The following SHOC1 variants were observed in gnomAD, a reference collection of about 807,000 sequenced individuals.
SHOC1 encodes the protein shortage in chiasmata 1.
SHOC1 carries 136 observed loss-of-function variants against 179.2 expected under a neutral mutation model. The ratio of observed to expected loss-of-function variants is 0.76; its 90% confidence interval spans 0.66 to 0.87. The LOEUF is 0.87. Ranked by LOEUF, SHOC1 falls within the 40% of genes least tolerant of loss-of-function variation. The pLI is 0.00. For synonymous variants in SHOC1, 489 were observed against 586.6 expected, an observed-to-expected ratio of 0.83 and a Z score of 2.41; for missense variants, 1,538 against 1,700.8, an observed-to-expected ratio of 0.90 and a Z score of 1.68.
chr9:111,760,515 G>A (rs1051372563), intron 5 of SHOC1, among the ~76,000 whole-genome samples: 1 of 151,984 alleles, frequency 6.6e-6, no homozygotes, highest in Non-Finnish European at 1.5e-5. Flanking sequence ...AAGAAGAGAG[G>A]TTTATTCTTT....
intron 24 of SHOC1, among the ~76,000 whole-genome samples, chr9:111,695,241 C>G (rs1831636214): frequency 6.6e-6 from 1 of 152,006 alleles, no homozygotes; most frequent in South Asian, 2.1e-4. Flanking sequence ...ATATCCTGTA[C>G]TATAGTGGAA....
intron 5 of SHOC1, among the ~76,000 whole-genome samples, chr9:111,770,062 C>T (rs1835540171): frequency 7.4e-6 from 1 of 134,816 alleles, no homozygotes; most frequent in African/African-American, 2.8e-5. Flanking sequence ...TTCCTTCTAC[C>T]AGTTTGGGGT....
intron 5 of SHOC1, among the ~76,000 whole-genome samples, chr9:111,767,182 CT>C (rs1835390092): frequency 6.6e-6 from 1 of 152,078 alleles, no homozygotes; most frequent in African/African-American, 2.4e-5. Context: ...TGTGCAGAAG[CT>C]TTTTAGCTTG....
Position 111,686,786 on chromosome 9 carries a change from C to G in SHOC1, c.4511G>C (p.Arg1504Pro). Residue 1504 changes from arginine (R) to proline (P), a missense_variant, in exon 28 of 28, where the codon CGG becomes CCG. Physicochemically the swap from Arg to Pro is moderately radical, Grantham distance 103 (BLOSUM62 -2). Transcript: ENST00000682961. ...KVPGRVDGQT[R>P]LRFF The stretch of plus-strand genomic sequence containing the variant: ...TCTCCTCCTTCAAAAAAACCTCAGC[C>G]GAGTCTGCCCATCAACTCTACCAGG... The G allele has an allele frequency of 6.2e-7, 1 of 1,612,590 alleles. No homozygotes were observed. The highest frequency in any genetic ancestry group is 1.1e-5 in the South Asian group (1 of 91,036).
chr9:111,742,942 G>A (rs182427465), intron 10 of SHOC1, among the ~76,000 whole-genome samples: 145 of 152,228 alleles, frequency 9.5e-4, no homozygotes, highest in African/African-American at 3.4e-3. Flanking sequence ...CACTCTTAAC[G>A]GAGCTTTCTG....
In SHOC1 at chr9:111,785,979, A is replaced by G. The variant is rs1391184095; in HGVS notation, c.102T>C (p.Cys34=). The G allele has an allele frequency of 1.3e-6, 2 of 1,528,984 alleles. No homozygotes were observed. The highest frequency in any genetic ancestry group is 2.8e-5 in the African/African-American group (2 of 71,808). The allele number at this position is 1,528,984 out of a possible 1,614,324, so 94.7% of individuals were successfully genotyped here. A position where few individuals can be genotyped will look rare whatever the true frequency, so the allele number is the denominator to read the frequency against. Reference sequence around the variant, plus strand: ...CATGGTAACTTTCATCTTGATATAAACATGAAGGGATTCGAAGCAATAAAG... The same window carrying G: ...CATGGTAACTTTCATCTTGATATAAGCATGAAGGGATTCGAAGCAATAAAG... ...RDALLLRIPS[C]LYQDESYHVA... The change falls in exon 3 of 28, where the codon TGT becomes TGC. Residue 34 remains cysteine (C), a synonymous_variant. Coordinates refer to ENST00000682961, the MANE Select transcript of SHOC1 (RefSeq NM_001378211.1).
intron 24 of SHOC1, among the ~76,000 whole-genome samples, chr9:111,698,021 C>T (rs1284154023): frequency 7.2e-5 from 11 of 152,122 alleles, no homozygotes; most frequent in African/African-American, 2.7e-4. Context: ...ATCTGTTGCC[C>T]ACTTTTTGAT....
intron 16 of SHOC1, among the ~76,000 whole-genome samples, chr9:111,717,080 A>T (rs1310632629): frequency 2.0e-5 from 3 of 152,224 alleles, no homozygotes; most frequent in Admixed American, 2.0e-4. Flanking sequence ...AGAATCTAGA[A>T]TATCTGAGGT....
chr9:111,691,050 T>A (rs905503482), intron 27 of SHOC1, among the ~76,000 whole-genome samples: 4 of 152,198 alleles, frequency 2.6e-5, no homozygotes, highest in African/African-American at 9.7e-5. Flanking sequence ...CTTTTAAAAA[T>A]TTGATATGCT....
intron 18 of SHOC1, among the ~76,000 whole-genome samples, chr9:111,712,563 C>A (rs912925439): frequency 6.6e-6 from 1 of 152,090 alleles, no homozygotes; most frequent in Non-Finnish European, 1.5e-5. Flanking sequence ...GTTTGCATAA[C>A]AAGCAATGGA....
chr9:111,785,874 T>C (rs1836242948), intron 3 of SHOC1, 38 bp downstream of exon 3: 3 of 1,415,848 alleles, frequency 2.1e-6, no homozygotes, highest in Non-Finnish European at 2.8e-6. Flanking sequence ...CTGAAATGGC[T>C]TTTAAAACAC....
chr9:111,791,214 A>G (rs1439724521), intron 2 of SHOC1, among the ~76,000 whole-genome samples, 160 bp downstream of exon 2: 2 of 152,164 alleles, frequency 1.3e-5, no homozygotes, highest in Admixed American at 6.5e-5. Context: ...CTCATTTTAT[A>G]TATATAAAAA....
chr9:111,716,112 A>G (rs1832774652), intron 16 of SHOC1, among the ~76,000 whole-genome samples: 1 of 152,208 alleles, frequency 6.6e-6, no homozygotes, highest in South Asian at 2.1e-4. Flanking sequence ...TGTCCAAAGC[A>G]ACTACATTAT....
chr9:111,758,620 AT>A, intron 6 of SHOC1, 74 bp downstream of exon 6: 1 of 1,341,112 alleles, frequency 7.5e-7, no homozygotes, highest in Non-Finnish European at 1.0e-6. Flanking sequence ...TGTTGATAAC[AT>A]CTAAGCTTGT....
chr9:111,759,636 G>T, intron 5 of SHOC1: 1 of 891,578 alleles, frequency 1.1e-6, no homozygotes. Context: ...TATAAGCTCA[G>T]ATGAAGAACT....
rs1831477788 is a variant in SHOC1 at position 111,692,250 on chromosome 9, A to G, written c.3727T>C (p.Leu1243=). 6.2e-7 allele frequency: 1 copy of G among 1,613,790 alleles called. No homozygotes were observed. Among genetic ancestry groups the G allele is most frequent in the South Asian group, 1.1e-5 (1 of 91,072 alleles). Residue 1243 remains leucine, a synonymous_variant, in exon 27 of 28, where the codon TTA becomes CTA. Transcript: ENST00000682961. The part of the protein sequence containing the change: ...IMELKEISSF[L]PPVTSYNQTS... ...TGATTGTATGAAGTCACAGGTGGTA[A>G]AAAACTTGAGATTTCTTTTAGTTCC...
intron 24 of SHOC1, among the ~76,000 whole-genome samples, chr9:111,698,321 T>A (rs1286950955): frequency 6.6e-6 from 1 of 152,336 alleles, no homozygotes; most frequent in Non-Finnish European, 1.5e-5. Context: ...TTTTTATGGT[T>A]TTAGGTCTAA....
chr9:111,765,950 G>T (rs556052725), intron 5 of SHOC1, among the ~76,000 whole-genome samples: 1 of 152,162 alleles, frequency 6.6e-6, no homozygotes, highest in East Asian at 1.9e-4. Context: ...CAAAGTGCTG[G>T]CATTACAGGC....
At chr9:111,718,089 A>G (rs1832875491) in intron 16 of SHOC1, 95 bp downstream of exon 16, 5 of 790,846 alleles carry the variant, frequency 6.3e-6, no homozygotes, top group Non-Finnish European at 1.0e-5. Flanking sequence ...AGGCTACATC[A>G]TTTCTTATAA....
Sources: gnomAD v4.1 joint callset for allele counts (sites outside exome capture counted in the v4.1 genomes callset) on GRCh38, gnomAD v4.1.1 for gene constraint, MANE v1.5 for transcripts, NCBI Gene and HGNC (gene_info 2026-07-23, HGNC 2026-07-21) for gene names.